The following NPAS2 variants were observed in gnomAD, a reference collection of about 807,000 sequenced individuals.
NPAS2 encodes the protein neuronal PAS domain-containing protein 2.
Under a neutral mutation model 107.5 loss-of-function variants are expected in NPAS2, and 23 were observed. That is an observed-to-expected ratio of 0.21 (90% CI 0.15 to 0.30). NPAS2 has a LOEUF of 0.30. Among genes scored for constraint, NPAS2 ranks in the 10% least tolerant of loss-of-function variants. NPAS2 has a pLI of 1.00. For synonymous variants in NPAS2, 403 were observed against 417.5 expected, an observed-to-expected ratio of 0.97 and a Z score of 0.42; for missense variants, 756 against 1,043.3, an observed-to-expected ratio of 0.72 and a Z score of 3.79.
At chr2:100,977,968 C>A (rs1677133884) in intron 15 of NPAS2, among the ~76,000 whole-genome samples, 169 bp downstream of exon 15, 1 of 152,228 alleles carries the variant, frequency 6.6e-6, no homozygotes, top group Non-Finnish European at 1.5e-5. Flanking sequence ...CCCACACCCA[C>A]CCTCTCGTCT....
chr2:100,962,528 C>T (rs1675972333), intron 7 of NPAS2, among the ~76,000 whole-genome samples: 1 of 152,204 alleles, frequency 6.6e-6, no homozygotes, highest in Admixed American at 6.5e-5. Context: ...GGTGAACCTG[C>T]AGAGCCTTTG....
intron 1 of NPAS2, among the ~76,000 whole-genome samples, chr2:100,833,885 C>A (rs1271884759): frequency 1.3e-5 from 2 of 152,146 alleles, no homozygotes; most frequent in African/African-American, 4.8e-5. Context: ...ATGTCAGCAT[C>A]CCCTGAAGAA....
At chr2:100,872,551 C>A (rs1272725317) in intron 1 of NPAS2, among the ~76,000 whole-genome samples, 2 of 152,088 alleles carry the variant, frequency 1.3e-5, no homozygotes, top group African/African-American at 4.8e-5. Context: ...CTGTAGGAGC[C>A]AAATACATGG....
chr2:100,947,401 A>C (rs1338174803), intron 5 of NPAS2, among the ~76,000 whole-genome samples: 1 of 152,068 alleles, frequency 6.6e-6, no homozygotes, highest in East Asian at 1.9e-4. Flanking sequence ...AATACAAAAA[A>C]TTAGCCGGCC....
Position 100,990,805 on chromosome 2 carries a change from C to G in NPAS2, c.2044C>G (p.Pro682Ala). The change falls in exon 19 of 21, where the codon CCC becomes GCC. Residue 682 changes from proline to alanine, a missense_variant. By Grantham distance (27) the Pro-to-Ala change is conservative. Coordinates refer to ENST00000335681, the MANE Select transcript of NPAS2 (RefSeq NM_002518.4). The part of the protein sequence containing the change: ...LRLLLSQPIQ[P>A]MMPGSCDARQ... ...GCTGTTGCTGAGCCAGCCCATCCAG[C>G]CCATGATGCCCGGGTCCTGTGACGC... The G allele has an allele frequency of 6.2e-7, 1 of 1,614,224 alleles. No homozygotes were observed. The highest frequency in any genetic ancestry group is 1.1e-5 in the South Asian group (1 of 91,090).
At chr2:100,855,356 G>C (rs1367231376) in intron 1 of NPAS2, among the ~76,000 whole-genome samples, 3 of 152,160 alleles carry the variant, frequency 2.0e-5, no homozygotes, top group Non-Finnish European at 4.4e-5. Context: ...CCTGTCTCAC[G>C]AAGGCCTCGA....
At chr2:100,940,898 G>A (rs1463734040) in intron 5 of NPAS2, among the ~76,000 whole-genome samples, 6 of 152,178 alleles carry the variant, frequency 3.9e-5, no homozygotes, top group Admixed American at 3.3e-4. Context: ...AGGAAGAGGC[G>A]GCTCTTGAGG....
chr2:100,847,779 T>C (rs1340284271), intron 1 of NPAS2, among the ~76,000 whole-genome samples: 1 of 152,206 alleles, frequency 6.6e-6, no homozygotes, highest in Non-Finnish European at 1.5e-5. Flanking sequence ...GTTAATGTTC[T>C]GTGTTGATGA....
intron 1 of NPAS2, among the ~76,000 whole-genome samples, chr2:100,822,497 T>C (rs1676136033): frequency 6.6e-6 from 1 of 152,220 alleles, no homozygotes; most frequent in African/African-American, 2.4e-5. Flanking sequence ...GAACAATCTT[T>C]CTTAACTCTT....
intron 17 of NPAS2, 135 bp from the exon 18 acceptor site, chr2:100,990,121 A>G (rs1417448847): frequency 1.3e-5 from 10 of 765,910 alleles, no homozygotes; most frequent in Non-Finnish European, 2.0e-5. Context: ...AGATCAAAGT[A>G]ATTCAGTAGT....
In NPAS2 at chr2:100,904,827, C is replaced by T. The variant is rs142148064; in HGVS notation, c.32+41C>T. ...CCCCCTGCTCAGCAGAGCTCTCTGG[C>T]CCCCGGGGGTCTGCCTGGCAGAATC... On this transcript the variant is annotated intron_variant, in intron 2 of 20. Transcript: ENST00000335681. The T allele has an allele frequency of 1.8e-4, 268 of 1,470,204 alleles. 2 individuals carry two copies. In the East Asian group the frequency reaches 5.5e-3, roughly 30 times the overall value. The allele number at this position is 1,470,204 out of a possible 1,614,324, so 91.1% of individuals were successfully genotyped here.
rs145701823 is a variant in NPAS2 at position 100,861,499 on chromosome 2, G to A, written c.-23+41085G>A. On this transcript the variant is annotated intron_variant, in intron 1 of 20. Coordinates refer to ENST00000335681, the MANE Select transcript of NPAS2 (RefSeq NM_002518.4). ...GAAACACAAGGGGAGGAGGGGAGCC[G>A]CCTTGGACAGGGAAGATGGAAGGTT... 5.3e-5 allele frequency among the ~76,000 whole-genome samples: 8 copies of A among 152,226 alleles called. No individual in the cohort carries two copies. In the East Asian group the frequency reaches 7.7e-4, roughly 15 times the overall value.
At chr2:100,936,735 C>T (rs994121752) in intron 4 of NPAS2, among the ~76,000 whole-genome samples, 1 of 152,146 alleles carries the variant, frequency 6.6e-6, no homozygotes, top group Non-Finnish European at 1.5e-5. Flanking sequence ...AATCCCAGCA[C>T]TTTGGGAGGC....
intron 7 of NPAS2, among the ~76,000 whole-genome samples, chr2:100,962,006 G>C (rs887857309): frequency 3.9e-5 from 6 of 152,060 alleles, no homozygotes; most frequent in Non-Finnish European, 8.8e-5. Flanking sequence ...GTTTTCAAAT[G>C]TCTCTTTTTT....
intron 2 of NPAS2, among the ~76,000 whole-genome samples, chr2:100,922,979 T>G (rs1255084746): frequency 6.6e-6 from 1 of 152,166 alleles, no homozygotes; most frequent in Non-Finnish European, 1.5e-5. Context: ...GGAACAGAGC[T>G]TTTTTTGGCT....
At chr2:100,841,861 A>G (rs1235986541) in intron 1 of NPAS2, among the ~76,000 whole-genome samples, 2 of 152,306 alleles carry the variant, frequency 1.3e-5, no homozygotes, top group East Asian at 1.9e-4. Flanking sequence ...CAGCGTATAC[A>G]CATGCACATA....
At chr2:100,864,386 T>C (rs892806599) in intron 1 of NPAS2, among the ~76,000 whole-genome samples, 1 of 152,234 alleles carries the variant, frequency 6.6e-6, no homozygotes, top group Non-Finnish European at 1.5e-5. Flanking sequence ...CAAAACTGTG[T>C]GATATAATAA....
intron 16 of NPAS2, 68 bp from the exon 17 acceptor site, chr2:100,988,011 C>A: frequency 6.5e-7 from 1 of 1,528,074 alleles, no homozygotes; most frequent in Non-Finnish European, 9.0e-7. Flanking sequence ...ACAGGGAATG[C>A]AAAGGAGGTG....
intron 1 of NPAS2, among the ~76,000 whole-genome samples, chr2:100,864,707 C>CA (rs1240726548): frequency 6.6e-6 from 1 of 152,120 alleles, no homozygotes; most frequent in East Asian, 1.9e-4. Context: ...CATTTGTAAC[C>CA]AAGGATTTAT....
Sources: allele counts gnomAD v4.1 joint callset (sites outside exome capture counted in the v4.1 genomes callset), GRCh38; gene constraint gnomAD v4.1.1; transcripts MANE v1.5; gene names NCBI Gene and HGNC (gene_info 2026-07-23, HGNC 2026-07-21).